The following ZEB2 variants were observed in gnomAD, a reference collection of about 807,000 sequenced individuals.
ZEB2 encodes the protein zinc finger E-box binding homeobox 2.
A neutral mutation model predicts 99.9 loss-of-function variants in ZEB2; 6 were observed. The ratio of observed to expected loss-of-function variants is 0.06; its 90% CI spans 0.03 to 0.12. ZEB2 has a LOEUF of 0.12. ZEB2 is among the 10% of genes least tolerant of loss of function. The probability of loss-of-function intolerance (pLI) is 1.00; values close to 1 mark genes in which losing one functional copy is unlikely to be tolerated. For missense variants in ZEB2, 969 were observed against 1,502.8 expected (o/e 0.64, Z 5.87); for synonymous variants, 517 against 542.5 (o/e 0.95, Z 0.65).
intron 4 of ZEB2, among the ~76,000 whole-genome samples, chr2:144,409,322 T>C (rs376992189): frequency 5.9e-5 from 9 of 152,174 alleles, no homozygotes; most frequent in African/African-American, 1.9e-4. Context: ...TCTGAAAGTT[T>C]GTATGTTTGT....
chr2:144,520,098 T>C lies in ZEB2; in HGVS notation c.-229A>G, dbSNP rs1410286301. 1 of 454,552 alleles carries C rather than the reference T, an allele frequency of 2.2e-6. No homozygotes were observed. The highest frequency in any genetic ancestry group is 1.6e-5 in the South Asian group (1 of 64,478). 28.2% of individuals were successfully genotyped at this position (454,552 alleles called of 1,614,324 possible). A position where few individuals can be genotyped will look rare whatever the true frequency, so the allele number is the denominator to read the frequency against. On this transcript the variant is annotated 5_prime_UTR_variant, in exon 1 of 10. Transcript: ENST00000627532. ...GAGTGTCGGGAGGCAGGACCGTTATTCCTGCAGAGCAGGTTAGAACTGATC... is the reference window on the plus strand; with the variant it reads ...GAGTGTCGGGAGGCAGGACCGTTATCCCTGCAGAGCAGGTTAGAACTGATC...
intron 2 of ZEB2, 99 bp downstream of exon 2, chr2:144,517,179 G>A: frequency 6.5e-7 from 1 of 1,537,966 alleles, no homozygotes; most frequent in Admixed American, 1.7e-5. Context: ...GGGCGCCGCC[G>A]CCGCCGCCGC....
rs1483645692 is a variant in ZEB2, at chr2:144,399,019, G to A, written c.2168C>T (p.Thr723Ile). 1 of 1,614,146 alleles carries A rather than the reference G, an allele frequency of 6.2e-7. No individual in the cohort carries two copies. The highest frequency in any genetic ancestry group is 8.5e-7 in the Non-Finnish European group (1 of 1,180,000). Residue 723 changes from threonine (T) to isoleucine (I), a missense_variant, in exon 8 of 10, where the codon ACA (threonine) becomes ATA (isoleucine). Thr to Ile is a moderately conservative substitution (Grantham distance 89). Coordinates refer to ENST00000627532, the MANE Select transcript of ZEB2 (RefSeq NM_014795.4). The surrounding 1 kb of genome is among the most constrained non-coding windows in gnomAD (Gnocchi z 5.6). The stretch of plus-strand genomic sequence containing the variant: ...AGACCTGGGTAATAAAGAGTCTTTT[G>A]TGGGAGGGTTACTGTTGGGAGCTAA... ...KPLAPNSNPP[T>I]KDSLLPRSPV... is the part of the protein sequence containing the mutation.
chr2:144,392,357 C>G (rs1452217950), intron 9 of ZEB2, among the ~76,000 whole-genome samples: 1 of 152,086 alleles, frequency 6.6e-6, no homozygotes, highest in Non-Finnish European at 1.5e-5. Context: ...CCAGAGAGAG[C>G]AAGCATCCTC....
intron 9 of ZEB2, among the ~76,000 whole-genome samples, chr2:144,393,070 T>G (rs1487254435): frequency 1.3e-5 from 2 of 152,196 alleles, no homozygotes; most frequent in Non-Finnish European, 2.9e-5. Context: ...GAGAAAGCAC[T>G]CAATAAAGGT....
rs552503161 is a variant in ZEB2 at position 144,415,813 on chromosome 2, A to G, written c.403+8983T>C. ...AGAGCAGACCTAACCTCTACCCTCA[A>G]ATTGTTTCCACTCTGTAGCTGTAAT... On this transcript the variant is annotated intron_variant, in intron 4 of 9. Transcript: ENST00000627532. 2.0e-5 allele frequency among the ~76,000 whole-genome samples: 3 copies of G among 152,304 alleles called. No individual in the cohort carries two copies. The South Asian group carries it at 6.2e-4, about 32-fold the overall frequency.
At chr2:144,428,570 G>A (rs1283776059) in intron 3 of ZEB2, 2 of 152,144 alleles carry the variant, frequency 1.3e-5, no homozygotes, top group Non-Finnish European at 2.9e-5. Flanking sequence ...AGCAAAATTG[G>A]AAACGGAAAG....
chr2:144,439,359 T>A (rs1703878017), intron 2 of ZEB2, among the ~76,000 whole-genome samples: 1 of 152,148 alleles, frequency 6.6e-6, no homozygotes, highest in Non-Finnish European at 1.5e-5. Context: ...GAAAAGATCT[T>A]TTGCTCATTG....
chr2:144,505,726 C>T (rs1704944574), intron 2 of ZEB2, among the ~76,000 whole-genome samples: 1 of 152,112 alleles, frequency 6.6e-6, no homozygotes, highest in South Asian at 2.1e-4. Flanking sequence ...AGTTTGACAG[C>T]ACAAAAACAC....
At chr2:144,433,796 C>T (rs764534471) in intron 2 of ZEB2, among the ~76,000 whole-genome samples, 71 of 152,242 alleles carry the variant, frequency 4.7e-4, no homozygotes, top group Non-Finnish European at 6.8e-4. Context: ...GGTTTCTCTT[C>T]CTTGCCTATA....
intron 2 of ZEB2, among the ~76,000 whole-genome samples, chr2:144,480,217 GC>G (rs1704491350): frequency 6.6e-6 from 1 of 152,006 alleles, no homozygotes; most frequent in African/African-American, 2.4e-5. Flanking sequence ...AAATAGGACG[GC>G]CCCCATATTT....
intron 2 of ZEB2, among the ~76,000 whole-genome samples, chr2:144,508,092 A>G (rs1277263499): frequency 6.6e-6 from 1 of 152,224 alleles, no homozygotes; most frequent in Non-Finnish European, 1.5e-5. Flanking sequence ...GGTCGTTCAT[A>G]CAAATAACAT....
chr2:144,488,157 G>A (rs1704626106), intron 2 of ZEB2, among the ~76,000 whole-genome samples: 1 of 152,248 alleles, frequency 6.6e-6, no homozygotes, highest in Non-Finnish European at 1.5e-5. Context: ...AATGCTTAGT[G>A]CACAGCACAT....
chr2:144,409,915 T>TG (rs1703436266), intron 4 of ZEB2, among the ~76,000 whole-genome samples: 1 of 144,644 alleles, frequency 6.9e-6, no homozygotes, highest in East Asian at 2.0e-4. Context: ...AAGTTGTTGT[T>TG]TTTTTTTTTT....
chr2:144,512,820 G>A (rs1238654761), intron 2 of ZEB2: 25 of 1,286,970 alleles, frequency 1.9e-5, no homozygotes, highest in Non-Finnish European at 2.4e-5. Flanking sequence ...GACAAAACTT[G>A]CAGAAGATCT....
chr2:144,518,229 C>T (rs1280573606), intron 1 of ZEB2: 4 of 152,492 alleles, frequency 2.6e-5, no homozygotes, highest in Non-Finnish European at 4.4e-5. Flanking sequence ...AGTCCAACCA[C>T]TACGGCAATA....
At chr2:144,512,601 A>G (rs1705059548) in intron 2 of ZEB2, 1 of 1,287,110 alleles carries the variant, frequency 7.8e-7, no homozygotes, top group African/African-American at 1.5e-5. Flanking sequence ...ATTTATTTGT[A>G]TCTGGTAACA....
At chr2:144,449,287 G>A (rs1385680293) in intron 2 of ZEB2, among the ~76,000 whole-genome samples, 1 of 152,136 alleles carries the variant, frequency 6.6e-6, no homozygotes, top group Non-Finnish European at 1.5e-5. Flanking sequence ...GAAGACAGGG[G>A]GAGCTATTCA....
intron 2 of ZEB2, among the ~76,000 whole-genome samples, chr2:144,437,585 T>A (rs1703855009): frequency 6.6e-6 from 1 of 152,222 alleles, no homozygotes; most frequent in Non-Finnish European, 1.5e-5. Flanking sequence ...TGAAAATAAC[T>A]GTAATTTATT....
Sources: allele counts gnomAD v4.1 joint callset (sites outside exome capture counted in the v4.1 genomes callset), GRCh38; gene constraint gnomAD v4.1.1; non-coding constraint Gnocchi (gnomAD v3.1); transcripts MANE v1.5; gene names NCBI Gene and HGNC (gene_info 2026-07-23, HGNC 2026-07-21).